The following MAP2K1 variants were observed in gnomAD, a reference collection of about 807,000 sequenced individuals.
MAP2K1 encodes the protein mitogen-activated protein kinase kinase 1, also known as dual specificity mitogen-activated protein kinase kinase 1.
Under a neutral mutation model 46.3 loss-of-function variants are expected in MAP2K1, and 16 were observed. The ratio of observed to expected loss-of-function variants is 0.35; its 90% confidence interval spans 0.23 to 0.52. MAP2K1 has a LOEUF of 0.52. MAP2K1 is among the 20% of genes least tolerant of loss of function. The probability of loss-of-function intolerance (pLI) is 0.94; values close to 1 mark genes in which losing one functional copy is unlikely to be tolerated. For synonymous variants in MAP2K1, 183 were observed against 185.6 expected (o/e 0.99, Z 0.11); for missense variants, 263 against 497.1 (o/e 0.53, Z 4.48).
intron 1 of MAP2K1, among the ~76,000 whole-genome samples, chr15:66,406,348 T>C (rs1051809234): frequency 1.3e-5 from 2 of 152,198 alleles, no homozygotes; most frequent in African/African-American, 4.8e-5. Flanking sequence ...TGAGGAGTCA[T>C]GTGCAAATGT....
chr15:66,439,623 A>G (rs552967894), intron 3 of MAP2K1, among the ~76,000 whole-genome samples: 2 of 152,222 alleles, frequency 1.3e-5, no homozygotes, highest in South Asian at 4.2e-4. Flanking sequence ...AAAATTAGCC[A>G]GGCGTGGTGG....
At chr15:66,416,749 C>A (rs1232107678) in intron 1 of MAP2K1, among the ~76,000 whole-genome samples, 1 of 152,106 alleles carries the variant, frequency 6.6e-6, no homozygotes, top group Non-Finnish European at 1.5e-5. Context: ...TATTTGTGTG[C>A]ACAGCAGATT....
intron 10 of MAP2K1, chr15:66,490,121 G>A: frequency 1.9e-6 from 1 of 518,178 alleles, no homozygotes; most frequent in Non-Finnish European, 3.5e-6. Flanking sequence ...GTCTCGTTTG[G>A]TGGCAGTGGA....
At chr15:66,397,853 C>T (rs1423312621) in intron 1 of MAP2K1, among the ~76,000 whole-genome samples, 2 of 152,206 alleles carry the variant, frequency 1.3e-5, no homozygotes, top group Non-Finnish European at 1.5e-5. Flanking sequence ...CCTGTAATCC[C>T]AGCACTTCGG....
At chr15:66,416,854 G>T (rs2093425787) in intron 1 of MAP2K1, among the ~76,000 whole-genome samples, 1 of 152,138 alleles carries the variant, frequency 6.6e-6, no homozygotes, top group Admixed American at 6.5e-5. Context: ...GGTCTTAAAT[G>T]ACCTTTGCTA....
At chr15:66,476,174 A>G (rs1595882247) in intron 5 of MAP2K1, among the ~76,000 whole-genome samples, 1 of 152,118 alleles carries the variant, frequency 6.6e-6, no homozygotes, top group African/African-American at 2.4e-5. Context: ...TGGGATTCCT[A>G]GGGAAGCTTA....
chr15:66,399,650 G>A (rs1385083343), intron 1 of MAP2K1, among the ~76,000 whole-genome samples: 1 of 152,136 alleles, frequency 6.6e-6, no homozygotes, highest in Non-Finnish European at 1.5e-5. Flanking sequence ...AGGCTGGAGT[G>A]CAGTGGCACG....
At chr15:66,487,428 G>C in intron 8 of MAP2K1, 136 bp downstream of exon 8, 3 of 803,960 alleles carry the variant, frequency 3.7e-6, no homozygotes, top group Non-Finnish European at 6.5e-6. Context: ...CACACGAGGT[G>C]AGGAGTTCGA....
chr15:66,438,334 G>A (rs958526789), intron 3 of MAP2K1, among the ~76,000 whole-genome samples: 4 of 152,034 alleles, frequency 2.6e-5, no homozygotes, highest in African/African-American at 4.8e-5. Flanking sequence ...TGATCTGCCC[G>A]CCTCGGCCTC....
Position 66,487,222 on chromosome 15 carries a change from T to C in MAP2K1, c.896-6T>C. 5.0e-6 allele frequency: 8 copies of C among 1,613,588 alleles called. No individual in the cohort carries two copies. Among genetic ancestry groups the C allele is most frequent in the Non-Finnish European group, 6.8e-6 (8 of 1,179,452 alleles). On this transcript the variant is annotated splice_region_variant and splice_polypyrimidine_tract_variant and intron_variant, in intron 7 of 10. Coordinates refer to ENST00000307102, the MANE Select transcript of MAP2K1 (RefSeq NM_002755.4). ...GAAGTATTTTTTCTTTTTATAAAATTTGTAGCATACGGAATGGACAGCCGA... is the reference window on the plus strand; with the variant it reads ...GAAGTATTTTTTCTTTTTATAAAATCTGTAGCATACGGAATGGACAGCCGA...
chr15:66,425,340 T>C (rs376094142), intron 1 of MAP2K1, among the ~76,000 whole-genome samples: 7 of 152,364 alleles, frequency 4.6e-5, no homozygotes, highest in East Asian at 3.8e-4. Flanking sequence ...AATACAGTTA[T>C]TCGTTTGCAT....
intron 5 of MAP2K1, among the ~76,000 whole-genome samples, chr15:66,480,614 A>G (rs1442017178): frequency 6.6e-6 from 1 of 152,186 alleles, no homozygotes; most frequent in Non-Finnish European, 1.5e-5. Context: ...AGTATCGAAG[A>G]GAAAAATAAT....
At chr15:66,398,281 T>C (rs1342425216) in intron 1 of MAP2K1, among the ~76,000 whole-genome samples, 3 of 151,734 alleles carry the variant, frequency 2.0e-5, no homozygotes, top group African/African-American at 7.3e-5. Flanking sequence ...CCAGATGTGG[T>C]GGTGCGTGCG....
At chr15:66,436,543 A>G (rs868120394) in intron 2 of MAP2K1, among the ~76,000 whole-genome samples, 3 of 152,344 alleles carry the variant, frequency 2.0e-5, no homozygotes, top group Middle Eastern at 3.4e-3. Flanking sequence ...GAGCCGAGGC[A>G]CAGCTGGAAC....
chr15:66,440,180 C>T (rs923948438), intron 3 of MAP2K1, among the ~76,000 whole-genome samples: 1 of 152,128 alleles, frequency 6.6e-6, no homozygotes, highest in Non-Finnish European at 1.5e-5. Context: ...CAACCTCTGC[C>T]TCCTGGGCCC....
intron 1 of MAP2K1, among the ~76,000 whole-genome samples, chr15:66,421,142 A>T (rs1036897923): frequency 4.1e-5 from 6 of 146,596 alleles, no homozygotes; most frequent in African/African-American, 1.5e-4. Context: ...ATATATATAA[A>T]TTTTTTTTTC....
rs756056132 is a variant in MAP2K1, at chr15:66,435,257, C to T, written c.291+20C>T. ...AGAAAGGTGAGTTTGCCTTGATTAA[C>T]AGGTAATTGGATTATTTCTCAGGGT... On this transcript the variant is annotated intron_variant, in intron 2 of 10. Transcript: ENST00000307102. 41 of 1,602,060 alleles carry T rather than the reference C, an allele frequency of 2.6e-5. No homozygotes were observed. Among genetic ancestry groups the T allele is most frequent in the Non-Finnish European group, 3.1e-5 (36 of 1,169,238 alleles).
intron 1 of MAP2K1, chr15:66,415,005 T>C (rs1028727960): frequency 2.2e-6 from 1 of 458,410 alleles, no homozygotes; most frequent in Non-Finnish European, 4.4e-6. Flanking sequence ...GCACGTAGCT[T>C]GCCAGCACCA....
At chr15:66,489,328 C>T (rs1893159656) in intron 9 of MAP2K1, 52 bp downstream of exon 9, 1 of 1,510,164 alleles carries the variant, frequency 6.6e-7, no homozygotes, top group Non-Finnish European at 9.2e-7. Flanking sequence ...TTGTCAGGCT[C>T]CCCACCCCAT....
Sources: gnomAD v4.1 joint callset for allele counts (sites outside exome capture counted in the v4.1 genomes callset) on GRCh38, gnomAD v4.1.1 for gene constraint, MANE v1.5 for transcripts, NCBI Gene and HGNC (gene_info 2026-07-23, HGNC 2026-07-21) for gene names.